Variants in SPIDR observed in about 807,000 individuals in gnomAD.
SPIDR encodes scaffold protein involved in DNA repair, also known as DNA repair-scaffolding protein.
In SPIDR, 93 loss-of-function variants were observed where a neutral mutation model predicts 104.6. The observed-to-expected ratio is 0.89, with a 90% confidence interval of 0.75 to 1.06. The LOEUF (loss-of-function observed/expected upper bound fraction) is 1.06, where lower values mean the gene tolerates loss of function less well. SPIDR is among the 50% of genes least tolerant of loss of function. The pLI is 0.00. For missense variants in SPIDR, 1,154 were observed against 1,111.2 expected, an observed-to-expected ratio of 1.04 and a Z score of -0.55; for synonymous variants, 431 against 416.9, an observed-to-expected ratio of 1.03 and a Z score of -0.41.
intron 10 of SPIDR, among the ~76,000 whole-genome samples, chr8:47,663,839 G>A (rs1233949130): frequency 6.6e-6 from 1 of 152,086 alleles, no homozygotes; most frequent in East Asian, 1.9e-4. Context: ...AGAAACAGAA[G>A]ACCAGCTTTC....
intron 1 of SPIDR, among the ~76,000 whole-genome samples, chr8:47,271,211 T>G (rs2035251910): frequency 6.6e-6 from 1 of 152,160 alleles, no homozygotes; most frequent in Non-Finnish European, 1.5e-5. Context: ...CTCTTTAGAT[T>G]TTATGCTATT....
chr8:47,441,575 A>G (rs782224855), intron 8 of SPIDR, among the ~76,000 whole-genome samples: 13 of 150,872 alleles, frequency 8.6e-5, no homozygotes, highest in African/African-American at 2.4e-4. Context: ...CCCATTTACC[A>G]TTTGACTTTT....
At chr8:47,367,130 C>T (rs782645936) in intron 5 of SPIDR, among the ~76,000 whole-genome samples, 1 of 152,104 alleles carries the variant, frequency 6.6e-6, no homozygotes, top group Non-Finnish European at 1.5e-5. Context: ...ATTTAGAGGT[C>T]AGAAGCTGAG....
At chr8:47,422,031 C>T (rs951075952) in intron 7 of SPIDR, among the ~76,000 whole-genome samples, 3 of 152,202 alleles carry the variant, frequency 2.0e-5, no homozygotes, top group African/African-American at 7.2e-5. Context: ...TCAGGGGTGC[C>T]TCACAGTTGG....
chr8:47,721,342 G>T (rs1417630059), intron 16 of SPIDR, among the ~76,000 whole-genome samples: 1 of 152,102 alleles, frequency 6.6e-6, no homozygotes, highest in African/African-American at 2.4e-5. Context: ...ACCATTTGTT[G>T]AAAAGACTGT....
chr8:47,269,483 C>T (rs910057586), intron 1 of SPIDR, among the ~76,000 whole-genome samples: 292 of 151,366 alleles, frequency 1.9e-3, no homozygotes, highest in Admixed American at 3.7e-3. Context: ...GTATTGAACT[C>T]CTGACCTCAT....
chr8:47,325,498 A>G (rs782500469), intron 5 of SPIDR, among the ~76,000 whole-genome samples: 7 of 152,128 alleles, frequency 4.6e-5, no homozygotes, highest in Admixed American at 1.3e-4. Context: ...TGGTCAGTCT[A>G]TTTTCCTTTT....
At chr8:47,389,688 C>CAA (rs11295388) in intron 5 of SPIDR, among the ~76,000 whole-genome samples, 10,407 of 60,704 alleles carry the variant, frequency 0.17, 1,474 homozygotes, top group African/African-American at 0.38. Context: ...GACTCCATCT[C>CAA]AAAAAAAAAA....
At chr8:47,734,821 T>C (rs2085906144) in intron 19 of SPIDR, among the ~76,000 whole-genome samples, 3 of 152,290 alleles carry the variant, frequency 2.0e-5, no homozygotes, top group South Asian at 4.1e-4. Context: ...GAAGTCTCAT[T>C]ACAAAAACAC....
chr8:47,651,052 A>T (rs918781030), intron 10 of SPIDR, among the ~76,000 whole-genome samples: 1 of 152,156 alleles, frequency 6.6e-6, no homozygotes, highest in African/African-American at 2.4e-5. Flanking sequence ...CAAAAAATTC[A>T]TGGCTAAGAA....
intron 10 of SPIDR, among the ~76,000 whole-genome samples, chr8:47,608,729 A>G (rs1189268531): frequency 6.6e-6 from 1 of 151,270 alleles, no homozygotes; most frequent in Non-Finnish European, 1.5e-5. Flanking sequence ...TCTTTTTTTT[A>G]TTTTTTATTT....
chr8:47,707,686 CAA>C (rs1404453680), intron 14 of SPIDR, among the ~76,000 whole-genome samples: 1 of 152,160 alleles, frequency 6.6e-6, no homozygotes, highest in African/African-American at 2.4e-5. Flanking sequence ...TCATAGGTCC[CAA>C]AGTTATTCTT....
At chr8:47,321,474 G>T (rs2046570697) in intron 5 of SPIDR, among the ~76,000 whole-genome samples, 1 of 152,184 alleles carries the variant, frequency 6.6e-6, no homozygotes. Context: ...AACATTCCAT[G>T]CTCATGGACA....
intron 8 of SPIDR, among the ~76,000 whole-genome samples, chr8:47,484,757 G>T (rs782094884): frequency 1.3e-5 from 2 of 152,184 alleles, no homozygotes; most frequent in South Asian, 2.1e-4. Context: ...CATGGATTGC[G>T]TCTTGGATTA....
chr8:47,359,201 G>A (rs1554628150), intron 5 of SPIDR, among the ~76,000 whole-genome samples: 1 of 149,510 alleles, frequency 6.7e-6, no homozygotes, highest in South Asian at 2.1e-4. Flanking sequence ...AGCCGAGATT[G>A]CGCCACTGCA....
At chr8:47,361,071 C>T (rs2055800968) in intron 5 of SPIDR, 2 of 774,100 alleles carry the variant, frequency 2.6e-6, no homozygotes, top group Non-Finnish European at 3.1e-6. Flanking sequence ...GATTACATGA[C>T]CACAGTTACT....
chr8:47,605,269 T>C lies in SPIDR; in HGVS notation c.1544+6073T>C, dbSNP rs185431960. ...CCATGTGGGAGGGGACCCATAGTACTGCAAAGTCTAATAAAGTGAGCACTG... is the reference window on the plus strand; with the variant it reads ...CCATGTGGGAGGGGACCCATAGTACCGCAAAGTCTAATAAAGTGAGCACTG... On this transcript the variant is annotated intron_variant, in intron 10 of 19. Coordinates refer to ENST00000297423, the MANE Select transcript of SPIDR (RefSeq NM_001080394.4). Among the ~76,000 whole-genome samples, 34 of 152,260 alleles carry C rather than the reference T, an allele frequency of 2.2e-4. No homozygotes were observed. In the East Asian group the frequency reaches 6.6e-3, roughly 29 times the overall value.
intron 8 of SPIDR, among the ~76,000 whole-genome samples, chr8:47,474,477 C>T (rs1474899591): frequency 6.6e-6 from 1 of 152,190 alleles, no homozygotes; most frequent in Admixed American, 6.5e-5. Flanking sequence ...CAACATCTCA[C>T]TCCCAGGAGT....
chr8:47,408,415 G>A lies in SPIDR; in HGVS notation c.877+454G>A, dbSNP rs570301566. ...GCTAAGACCACAGGCTTTTTCCACC[G>A]TGCCCAGCTCCTCTTAGCAAAATTT... On this transcript the variant is annotated intron_variant, in intron 7 of 19. Coordinates refer to ENST00000297423, the MANE Select transcript of SPIDR (RefSeq NM_001080394.4). Among the ~76,000 whole-genome samples the A allele has an allele frequency of 1.5e-4, 23 of 152,134 alleles. No individual in the cohort carries two copies. The East Asian group carries it at 1.7e-3, about 12-fold the overall frequency.
Sources: gnomAD v4.1 joint callset for allele counts (sites outside exome capture counted in the v4.1 genomes callset) on GRCh38, gnomAD v4.1.1 for gene constraint, MANE v1.5 for transcripts, NCBI Gene and HGNC (gene_info 2026-07-23, HGNC 2026-07-21) for gene names.